Variants in NAF1 observed in about 807,000 individuals in gnomAD.
NAF1 encodes the protein nuclear assembly factor 1 ribonucleoprotein.
NAF1 carries 11 observed loss-of-function variants against 40.6 expected under a neutral mutation model. That is an observed-to-expected ratio of 0.27 (90% CI 0.17 to 0.45). The LOEUF is 0.45. Ranked by LOEUF, NAF1 falls within the 20% of genes least tolerant of loss-of-function variation. The pLI, the probability that NAF1 is intolerant of heterozygous loss-of-function variation, is 1.00. For missense variants in NAF1, 607 were observed against 611.1 expected (o/e 0.99, Z 0.07); for synonymous variants, 260 against 228.5 (o/e 1.14, Z -1.24).
chr4:163,143,541 T>C (rs186469015), intron 4 of NAF1, among the ~76,000 whole-genome samples: 2 of 152,266 alleles, frequency 1.3e-5, no homozygotes, highest in Admixed American at 1.3e-4. Flanking sequence ...TCCACACACA[T>C]ACCATGTCAC....
the NAF1 span, among the ~76,000 whole-genome samples, chr4:163,104,154 A>G: frequency 1.3e-5 from 2 of 152,108 alleles, no homozygotes; most frequent in Non-Finnish European, 2.9e-5. Context: ...TTAATCGCTC[A>G]GTTAAGGTGG....
chr4:163,110,533 C>G (rs927631676), intron 2 of NAF1, among the ~76,000 whole-genome samples: 7 of 152,102 alleles, frequency 4.6e-5, no homozygotes, highest in Admixed American at 3.9e-4. Context: ...ACATATCCCC[C>G]AAGGCTCAGG....
At position 163,150,028 on chromosome 4, in the gene NAF1, T is replaced by C. The variant is rs537324944; in HGVS notation, c.541-1594A>G. Among the ~76,000 whole-genome samples, 410 of 152,224 alleles carry C rather than the reference T, an allele frequency of 2.7e-3. 4 individuals carry two copies. The Middle Eastern group carries it at 0.031, about 11-fold the overall frequency. Reference sequence around the variant, plus strand: ...CAGTGATAAAATCTGTCCCATTACCTAGCCAAATTATAAGATCTAAAACAA... The same window carrying C: ...CAGTGATAAAATCTGTCCCATTACCCAGCCAAATTATAAGATCTAAAACAA... On this transcript the variant is annotated intron_variant, in intron 2 of 7. Transcript: ENST00000274054.
At chr4:163,164,533 G>A in intron 1 of NAF1, 142 bp from the exon 2 acceptor site, 1 of 635,930 alleles carries the variant, frequency 1.6e-6, no homozygotes, top group Non-Finnish European at 2.4e-6. Context: ...ATGCAATTAA[G>A]AAATATCAAC....
chr4:163,139,105 T>C (rs1483544838), intron 5 of NAF1, among the ~76,000 whole-genome samples: 1 of 152,110 alleles, frequency 6.6e-6, no homozygotes, highest in Admixed American at 6.5e-5. Context: ...CTGAAATAAA[T>C]GAAATTTGGT....
At chr4:163,156,741 A>G (rs1385962368) in intron 2 of NAF1, among the ~76,000 whole-genome samples, 4 of 152,130 alleles carry the variant, frequency 2.6e-5, no homozygotes, top group African/African-American at 9.6e-5. Flanking sequence ...AGCATGCACC[A>G]TATTACTAAT....
At chr4:163,132,776 T>C (rs1407587097) in intron 7 of NAF1, among the ~76,000 whole-genome samples, 1 of 152,224 alleles carries the variant, frequency 6.6e-6, no homozygotes, top group African/African-American at 2.4e-5. Flanking sequence ...TGTATGTGAA[T>C]CTATGGTTAT....
At chr4:163,118,682 G>A (rs1730424354) in intron 2 of NAF1, among the ~76,000 whole-genome samples, 1 of 152,222 alleles carries the variant, frequency 6.6e-6, no homozygotes, top group Admixed American at 6.5e-5. Context: ...AAACCCGGGA[G>A]GTAGAGGCTG....
rs192320218 is a variant in NAF1, at chr4:163,151,885, T to C, written c.541-3451A>G. Among the ~76,000 whole-genome samples, 6 of 152,306 alleles carry C rather than the reference T, an allele frequency of 3.9e-5. No individual in the cohort carries two copies. In the East Asian group the frequency reaches 9.6e-4, roughly 24 times the overall value. Reference sequence around the variant, plus strand: ...TTATATATTACTTGCTATTATAAATTCCTATCTAATATATTTTATTGCTAT... The same window carrying C: ...TTATATATTACTTGCTATTATAAATCCCTATCTAATATATTTTATTGCTAT... On this transcript the variant is annotated intron_variant, in intron 2 of 7. Coordinates refer to ENST00000274054, the MANE Select transcript of NAF1 (RefSeq NM_138386.3).
downstream of NAF1, among the ~76,000 whole-genome samples, chr4:163,124,181 C>G (rs892480276): frequency 6.6e-6 from 1 of 152,176 alleles, no homozygotes; most frequent in Non-Finnish European, 1.5e-5. Context: ...CATAGCAAGA[C>G]CCTGTCTCTA....
At chr4:163,115,479 A>G (rs1271651155) in intron 2 of NAF1, among the ~76,000 whole-genome samples, 1 of 152,138 alleles carries the variant, frequency 6.6e-6, no homozygotes, top group Admixed American at 6.5e-5. Flanking sequence ...TACAGGCGTG[A>G]GCCACCACAC....
chr4:163,134,181 C>T (rs999044896), intron 6 of NAF1, among the ~76,000 whole-genome samples: 1 of 151,770 alleles, frequency 6.6e-6, no homozygotes, highest in Non-Finnish European at 1.5e-5. Flanking sequence ...ATTAATTATT[C>T]TATTAATTTA....
intron 7 of NAF1, among the ~76,000 whole-genome samples, chr4:163,131,499 G>A (rs761819342): frequency 7.2e-5 from 11 of 152,136 alleles, no homozygotes; most frequent in Non-Finnish European, 5.9e-5. Context: ...CTAGAATACC[G>A]ATTATAATTT....
Position 163,166,814 on chromosome 4 carries a change from GGCAACCGCAGCAACAC to G in NAF1, c.-103_-88del. On this transcript the variant is annotated 5_prime_UTR_variant, in exon 1 of 8. Coordinates refer to ENST00000274054, the MANE Select transcript of NAF1 (RefSeq NM_138386.3). ...TCTCCAGAAATAGAAAAACAACTTAGGCAACCGCAGCAACACTGCCTGGGCCCAACTTCCCGCGTTT... is the reference window on the plus strand; with the variant it reads ...TCTCCAGAAATAGAAAAACAACTTAGTGCCTGGGCCCAACTTCCCGCGTTT... The G allele has an allele frequency of 1.3e-6, 2 of 1,525,112 alleles. No individual in the cohort carries two copies. The highest frequency in any genetic ancestry group is 2.6e-5 in the South Asian group (2 of 77,568). 94.5% of individuals were successfully genotyped at this position (1,525,112 alleles called of 1,614,324 possible). A position where few individuals can be genotyped will look rare whatever the true frequency, so the allele number is the denominator to read the frequency against.
At chr4:163,133,131 G>GTA in intron 7 of NAF1, 23 bp downstream of exon 7, 1 of 1,536,410 alleles carries the variant, frequency 6.5e-7, no homozygotes, top group Non-Finnish European at 9.0e-7. Flanking sequence ...TAAAGAACGA[G>GTA]TATATATATT....
At chr4:163,136,292 G>A (rs1462107561) in intron 6 of NAF1, 1 of 147,368 alleles carries the variant, frequency 6.8e-6, no homozygotes, top group African/African-American at 2.5e-5. Context: ...CTTGAGACCA[G>A]CCTGGGCAAC....
rs770675433 is a variant in NAF1, at chr4:163,129,258, C to T, written c.1124G>A (p.Arg375Gln). ...AKGYRNREFT[R>Q]GFSRARYPRS... ...AGGGTATCTGGCCCTGGAAAATCCT[C>T]GTGTGAATTCTCTGTTACGATATCC... Residue 375 changes from arginine (R) to glutamine (Q), a missense_variant, in exon 8 of 8, where the codon CGA (arginine) becomes CAA (glutamine). Transcript: ENST00000274054. 28 of 1,613,940 alleles carry T rather than the reference C, an allele frequency of 1.7e-5. 1 individual carries two copies. Among genetic ancestry groups the T allele is most frequent in the East Asian group, 8.9e-5 (4 of 44,884 alleles).
At position 163,118,639 on chromosome 4, in the gene NAF1, G is replaced by A. The variant is rs149089019; in HGVS notation, c.115-8349C>T. Among the ~76,000 whole-genome samples, 1,480 of 152,282 alleles carry A rather than the reference G, an allele frequency of 9.7e-3. 14 individuals carry two copies. The highest frequency in any genetic ancestry group is 0.041 in the Middle Eastern group (12 of 294). On this transcript the variant is annotated intron_variant, in intron 2 of 2. Transcript: ENST00000509434. ...GTGGTGGCACATGCCTGTAGTCCCA[G>A]CTACTTGGGAGGATGAGGCACAAGA...
downstream of NAF1, among the ~76,000 whole-genome samples, chr4:163,127,429 C>T (rs1419432359): frequency 6.6e-6 from 1 of 151,986 alleles, no homozygotes; most frequent in Non-Finnish European, 1.5e-5. Flanking sequence ...TGCACCCGGC[C>T]GAAATGGACA....
Sources: allele counts gnomAD v4.1 joint callset (sites outside exome capture counted in the v4.1 genomes callset), GRCh38; gene constraint gnomAD v4.1.1; transcripts MANE v1.5; gene names NCBI Gene and HGNC (gene_info 2026-07-23, HGNC 2026-07-21).